The following RNF213 variants were observed in gnomAD, a reference collection of about 807,000 sequenced individuals.
RNF213 encodes ring finger protein 213.
In RNF213, 341 loss-of-function variants were observed where a neutral mutation model predicts 514.4. That is an observed-to-expected ratio of 0.66 (90% CI 0.61 to 0.73). The LOEUF (loss-of-function observed/expected upper bound fraction) is 0.73. Ranked by LOEUF, RNF213 falls within the 30% of genes least tolerant of loss-of-function variation. The pLI is 0.00. For missense variants in RNF213, 5,767 were observed against 6,615.6 expected, an observed-to-expected ratio of 0.87 and a Z score of 4.45; for synonymous variants, 2,655 against 2,658.2, an observed-to-expected ratio of 1.00 and a Z score of 0.04.
intron 22 of RNF213, among the ~76,000 whole-genome samples, chr17:80,334,761 G>C (rs1256470365): frequency 6.6e-6 from 1 of 151,762 alleles, no homozygotes; most frequent in Non-Finnish European, 1.5e-5. Context: ...CGAGTAGCTG[G>C]GACTACAGGC....
intron 1 of RNF213, among the ~76,000 whole-genome samples, chr17:80,262,453 A>G (rs1274458541): frequency 6.6e-6 from 1 of 151,996 alleles, no homozygotes; most frequent in Admixed American, 6.6e-5. Context: ...TGTTGTGCAG[A>G]TAATCACTCA....
rs1374723342 is a variant in RNF213, at chr17:80,396,124, T to G, written c.*2626T>G. On this transcript the variant is annotated 3_prime_UTR_variant, in exon 68 of 68. Coordinates refer to ENST00000582970, the MANE Select transcript of RNF213 (RefSeq NM_001256071.3). Reference sequence around the variant, plus strand: ...CTCTTTGAGACCTGACTGAAAAAATTAGGTGTGCACACCTGTAATCCCAGC... The same window carrying G: ...CTCTTTGAGACCTGACTGAAAAAATGAGGTGTGCACACCTGTAATCCCAGC... The G allele has an allele frequency of 6.6e-6, 1 of 152,178 alleles. No homozygotes were observed. The highest frequency in any genetic ancestry group is 1.5e-5 in the Non-Finnish European group (1 of 68,042). 9.4% of individuals were successfully genotyped at this position (152,178 alleles called of 1,614,324 possible).
intron 36 of RNF213, among the ~76,000 whole-genome samples, chr17:80,357,368 C>T (rs906691636): frequency 1.6e-4 from 25 of 152,048 alleles, no homozygotes; most frequent in African/African-American, 5.3e-4. Context: ...TCCATCCCTC[C>T]GCCTGCCTGT....
chr17:80,302,949 CAGATT>C (rs1362956687), intron 11 of RNF213, among the ~76,000 whole-genome samples: 1 of 152,204 alleles, frequency 6.6e-6, no homozygotes, highest in Non-Finnish European at 1.5e-5. Context: ...ATAATGACCA[CAGATT>C]AACCCTTCTA....
intron 3 of RNF213, among the ~76,000 whole-genome samples, chr17:80,284,676 G>C (rs1350325800): frequency 6.6e-6 from 1 of 152,188 alleles, no homozygotes; most frequent in Non-Finnish European, 1.5e-5. Context: ...GCTTGGTGCA[G>C]GCGTCTCCGG....
rs2045388851 is a variant in RNF213 at position 80,307,114 on chromosome 17, T to C, written c.2428-14T>C. ...CAATCTTTTGTCCTGTTTTTCTTTT[T>C]TTCTCTGCCTTAGGATGTTCAGGAT... On this transcript the variant is annotated splice_polypyrimidine_tract_variant and intron_variant, in intron 12 of 67. Coordinates refer to ENST00000582970, the MANE Select transcript of RNF213 (RefSeq NM_001256071.3). The C allele has an allele frequency of 6.2e-7, 1 of 1,613,582 alleles. No individual in the cohort carries two copies. The highest frequency in any genetic ancestry group is 1.3e-5 in the African/African-American group (1 of 74,906).
At chr17:80,308,880 C>T (rs2045466262) in intron 13 of RNF213, 138 bp from the exon 14 acceptor site, 2 of 1,023,528 alleles carry the variant, frequency 2.0e-6, no homozygotes, top group South Asian at 1.3e-5. Context: ...TGAGATTTTC[C>T]AGACGTTAAC....
chr17:80,340,238 G>A lies in RNF213; in HGVS notation c.5871G>A (p.Glu1957=), dbSNP rs1364551509. The A allele has an allele frequency of 1.9e-6, 3 of 1,613,986 alleles. No homozygotes were observed. Among genetic ancestry groups the A allele is most frequent in the Non-Finnish European group, 2.5e-6 (3 of 1,180,030 alleles). The change falls in exon 26 of 68, where the codon GAG becomes GAA. Residue 1957 remains glutamate (E), a synonymous_variant. Coordinates refer to ENST00000582970, the MANE Select transcript of RNF213 (RefSeq NM_001256071.3). ...TCGTCACCCCCCAGGCACCCCTCGA[G>A]GCCATCCAAGCCTACCTGGCAGGTC... ...KVFVTPQAPL[E]AIQAYLAGHY... is the part of the protein sequence containing the mutation.
At position 80,288,185 on chromosome 17, in the gene RNF213, C is replaced by T. The variant is rs751679411; in HGVS notation, c.632C>T (p.Ser211Phe). ...EGEDQDASIP[S>F]GGRGLSQEGT... The stretch of plus-strand genomic sequence containing the variant: ...GAGGACCAGGACGCTTCCATCCCCT[C>T]TGGGGGCAGAGGCCTGTCCCAGGAG... The change falls in exon 4 of 68, where the codon TCT becomes TTT. Residue 211 changes from serine (S) to phenylalanine (F), a missense_variant. Physicochemically the swap from Ser to Phe is radical, Grantham distance 155. Transcript: ENST00000582970. The surrounding 1 kb of genome is among the most constrained non-coding windows in gnomAD (Gnocchi z 4.9). 6 of 1,612,632 alleles carry T rather than the reference C, an allele frequency of 3.7e-6. No homozygotes were observed. The African/African-American group carries it at 4.0e-5, about 11-fold the overall frequency.
At position 80,316,855 on chromosome 17, in the gene RNF213, G is replaced by T. The variant is rs559563758; in HGVS notation, c.2812-333G>T. Among the ~76,000 whole-genome samples the T allele has an allele frequency of 1.4e-4, 22 of 152,380 alleles. No homozygotes were observed. In the South Asian group the frequency reaches 3.7e-3, roughly 26 times the overall value. ...CAGGACTGGAGTTGAATGAATGTGGGTGGTGGTGTGCTATTCTTGCGACCT... is the reference window on the plus strand; with the variant it reads ...CAGGACTGGAGTTGAATGAATGTGGTTGGTGGTGTGCTATTCTTGCGACCT... On this transcript the variant is annotated intron_variant, in intron 15 of 67. Transcript: ENST00000582970.
At chr17:80,350,156 C>G in intron 30 of RNF213, 145 bp from the exon 31 acceptor site, 1 of 759,240 alleles carries the variant, frequency 1.3e-6, no homozygotes, top group Non-Finnish European at 2.3e-6. Flanking sequence ...GGTTTCCTCC[C>G]CTGGACTATC....
In RNF213 at chr17:80,369,872, GAAC is replaced by G; in HGVS notation, c.12425+10_12425+12del. ...GAAACTGCTTTTGAAGTACAGGTAAGAACAACATGGAGACTTGCTTCTGGAAAG... is the reference window on the plus strand; with the variant it reads ...GAAACTGCTTTTGAAGTACAGGTAAGAACATGGAGACTTGCTTCTGGAAAG... On this transcript the variant is annotated splice_donor_region_variant and intron_variant, in intron 46 of 67. Coordinates refer to ENST00000582970, the MANE Select transcript of RNF213 (RefSeq NM_001256071.3). The G allele has an allele frequency of 6.3e-7, 1 of 1,577,178 alleles. No individual in the cohort carries two copies.
At position 80,264,754 on chromosome 17, in the gene RNF213, G is replaced by A. The variant is rs966284593; in HGVS notation, c.97+976G>A. On this transcript the variant is annotated intron_variant, in intron 2 of 67. Transcript: ENST00000582970. The surrounding 1 kb of genome is among the most constrained non-coding windows in gnomAD (Gnocchi z 5.0). ...CCTTACAAGATCCGCCCCTGCCCCC[G>A]CTGTAACTCAGGACAAGCAGGAGCC... Among the ~76,000 whole-genome samples the A allele has an allele frequency of 6.6e-6, 1 of 151,876 alleles. No individual in the cohort carries two copies. Among genetic ancestry groups the A allele is most frequent in the Non-Finnish European group, 1.5e-5 (1 of 67,992 alleles).
At chr17:80,351,930 C>A (rs1028885674) in intron 32 of RNF213, 127 bp downstream of exon 32, 6 of 599,998 alleles carry the variant, frequency 1.0e-5, no homozygotes, top group African/African-American at 7.5e-5. Flanking sequence ...TCTCAGCTCA[C>A]TACAACCTCA....
chr17:80,266,646 C>T (rs1395513478), intron 2 of RNF213, among the ~76,000 whole-genome samples: 2 of 151,876 alleles, frequency 1.3e-5, no homozygotes, highest in Non-Finnish European at 2.9e-5. Flanking sequence ...GGATTACAGG[C>T]GTGAGGCACC....
chr17:80,363,611 C>G lies in RNF213; in HGVS notation c.11571C>G (p.Thr3857=). 6.2e-7 allele frequency: 1 copy of G among 1,613,586 alleles called. No individual in the cohort carries two copies. Among genetic ancestry groups the G allele is most frequent in the South Asian group, 1.1e-5 (1 of 91,062 alleles). ...CGCCCTGCTGTCCGTCTCCCCAGAC[C>G]CTGGACGCATTTGCCGCAATGGCCT... ...WNHELAGCEM[T]LDAFAAMACT... Residue 3857 remains threonine, a splice_region_variant and synonymous_variant, in exon 41 of 68, where the codon ACC becomes ACG. Coordinates refer to ENST00000582970, the MANE Select transcript of RNF213 (RefSeq NM_001256071.3).
At position 80,363,192 on chromosome 17, in the gene RNF213, C is replaced by A; in HGVS notation, c.11446C>A (p.Leu3816Ile). 6.2e-7 allele frequency: 1 copy of A among 1,614,224 alleles called. No individual in the cohort carries two copies. Among genetic ancestry groups the A allele is most frequent in the Non-Finnish European group, 8.5e-7 (1 of 1,180,040 alleles). The change falls in exon 40 of 68, where the codon CTT becomes ATT. Residue 3816 changes from leucine to isoleucine, a missense_variant. Coordinates refer to ENST00000582970, the MANE Select transcript of RNF213 (RefSeq NM_001256071.3). The stretch of plus-strand genomic sequence containing the variant: ...AGAGGTTTCCTTACCGTGGGTGCAC[C>A]TTGCCTACCAGCGTTTCAGAAGCCG... ...EEEVSLPWVHLAYQRFRSRLQ... is the reference protein window; with the variant it reads ...EEEVSLPWVHIAYQRFRSRLQ...
chr17:80,288,430 G>A lies in RNF213; in HGVS notation c.810+67G>A, dbSNP rs752123394. ...CCTCGGCACCTGGGCTCTGCTGCAAGGTGCTGGCGTTGCTTCCCTGCCGGG... is the reference window on the plus strand; with the variant it reads ...CCTCGGCACCTGGGCTCTGCTGCAAAGTGCTGGCGTTGCTTCCCTGCCGGG... On this transcript the variant is annotated intron_variant, in intron 4 of 67. Transcript: ENST00000582970. This position sits in a 1 kb window ranked among gnomAD's most constrained non-coding sequence, Gnocchi z 4.9. 569 of 1,603,640 alleles carry A rather than the reference G, an allele frequency of 3.5e-4. No homozygotes were observed. The highest frequency in any genetic ancestry group is 4.3e-4 in the Non-Finnish European group (506 of 1,176,292).
rs531653359 is a variant in RNF213 at position 80,377,915 on chromosome 17, G to A, written c.13545+119G>A. On this transcript the variant is annotated intron_variant, in intron 54 of 67. Transcript: ENST00000582970. This position sits in a 1 kb window ranked among gnomAD's most constrained non-coding sequence, Gnocchi z 4.1. ...CCTTCCAGGAGAGCACAGGCTCACC[G>A]AGGACTGCCCAGGGTGCTCTGAGCA... 13 of 1,168,530 alleles carry A rather than the reference G, an allele frequency of 1.1e-5. No individual in the cohort carries two copies. The highest frequency in any genetic ancestry group is 8.4e-5 in the Admixed American group (5 of 59,212). 72.4% of individuals were successfully genotyped at this position (1,168,530 alleles called of 1,614,324 possible). A position where few individuals can be genotyped will look rare whatever the true frequency, so the allele number is the denominator to read the frequency against.
Sources: gnomAD v4.1 joint callset for allele counts (sites outside exome capture counted in the v4.1 genomes callset) on GRCh38, gnomAD v4.1.1 for gene constraint, Gnocchi (gnomAD v3.1) non-coding constraint, MANE v1.5 for transcripts, NCBI Gene and HGNC (gene_info 2026-07-23, HGNC 2026-07-21) for gene names.